Variants in NANS observed in about 807,000 individuals in gnomAD.
The protein encoded by NANS is N-acetylneuraminate-9-phosphate synthase.
NANS carries 29 observed loss-of-function variants against 33.3 expected under a neutral mutation model. That is an observed-to-expected ratio of 0.87 (90% CI 0.65 to 1.19). NANS has a LOEUF of 1.19. NANS is among the 50% of genes most tolerant of loss of function. The pLI is 0.00. For synonymous variants in NANS, 163 were observed against 177.2 expected (o/e 0.92, Z 0.64); for missense variants, 394 against 461.1 (o/e 0.85, Z 1.33).
chr9:98,067,981 C>T (rs1829199214), intron 2 of NANS, among the ~76,000 whole-genome samples: 1 of 152,234 alleles, frequency 6.6e-6, no homozygotes, highest in African/African-American at 2.4e-5. Flanking sequence ...CTTGGCCTCC[C>T]AAAGTGCTGG....
chr9:98,078,033 C>T, intron 3 of NANS, 160 bp from the exon 4 acceptor site: 1 of 1,054,772 alleles, frequency 9.5e-7, no homozygotes. Context: ...GGGCAGGAAC[C>T]CAACAAGCTC....
chr9:98,070,474 G>A (rs1196085942), intron 2 of NANS, among the ~76,000 whole-genome samples: 12 of 152,138 alleles, frequency 7.9e-5, no homozygotes, highest in Non-Finnish European at 1.8e-4. Context: ...AGGCCGGAGT[G>A]CAATGGCGTG....
chr9:98,067,491 T>C lies in NANS; in HGVS notation c.348+6494T>C, dbSNP rs561280273. Reference sequence around the variant, plus strand: ...TTGTGATTTGCATTTCTCTGATGCATCTTTTCATGTGTCTGTTGGTCATCT... The same window carrying C: ...TTGTGATTTGCATTTCTCTGATGCACCTTTTCATGTGTCTGTTGGTCATCT... On this transcript the variant is annotated intron_variant, in intron 2 of 5. Transcript: ENST00000210444. Among the ~76,000 whole-genome samples, 6 of 152,366 alleles carry C rather than the reference T, an allele frequency of 3.9e-5. No individual in the cohort carries two copies. The South Asian group carries it at 1.2e-3, about 32-fold the overall frequency.
At chr9:98,079,307 T>C (rs1829740227) in intron 4 of NANS, among the ~76,000 whole-genome samples, 1 of 152,226 alleles carries the variant, frequency 6.6e-6, no homozygotes, top group Non-Finnish European at 1.5e-5. Flanking sequence ...GTAATTATCA[T>C]TAAAACTATT....
At position 98,078,177 on chromosome 9, in the gene NANS, G is replaced by T. The variant is rs757390996; in HGVS notation, c.449-16G>T. On this transcript the variant is annotated splice_polypyrimidine_tract_variant and intron_variant, in intron 3 of 5. Coordinates refer to ENST00000210444, the MANE Select transcript of NANS (RefSeq NM_018946.4). The stretch of plus-strand genomic sequence containing the variant: ...TAAAGAGAAAGTGCTGATGGTGTTG[G>T]TGCTGGATTACTCAGGTCGCCCAAT... The T allele has an allele frequency of 3.1e-6, 5 of 1,614,016 alleles. No homozygotes were observed. The highest frequency in any genetic ancestry group is 3.4e-6 in the Non-Finnish European group (4 of 1,179,986).
rs1317988311 is a variant in NANS, at chr9:98,077,016, AG to A, written c.448+1del. The A allele has an allele frequency of 5.6e-6, 9 of 1,602,942 alleles. No individual in the cohort carries two copies. Among genetic ancestry groups the A allele is most frequent in the Non-Finnish European group, 5.1e-6 (6 of 1,173,694 alleles). On this transcript the variant is annotated frameshift_variant and splice_region_variant, in exon 3 of 6. Coordinates refer to ENST00000210444, the MANE Select transcript of NANS (RefSeq NM_018946.4). LOFTEE classifies it high-confidence loss of function. Reference sequence around the variant, plus strand: ...CTTATCTGGAAAAGACAGCCAAAAAAGGTAAGTGTCTAATTTTTGACTTAAA... The same window carrying A: ...CTTATCTGGAAAAGACAGCCAAAAAAGTAAGTGTCTAATTTTTGACTTAAA... Reference protein sequence around the residue: ...FPYLEKTAKKGRPMVISSGMQ... With the variant: ...FPYLEKTAKKXRPMVISSGMQ...
At chr9:98,081,854 T>C (rs2118043629) in intron 5 of NANS, 1 of 152,304 alleles carries the variant, frequency 6.6e-6, no homozygotes, top group African/African-American at 2.4e-5. Context: ...GATGCATCTA[T>C]ACCAGGAAAT....
At position 98,076,741 on chromosome 9, in the gene NANS, A is replaced by C. The variant is rs1386892241; in HGVS notation, c.349-177A>C. ...GCTAATGGATGGGTGGATGCAAATG[A>C]ATGTTTGCATTTGAATGAAATGACT... On this transcript the variant is annotated intron_variant, in intron 2 of 5. Coordinates refer to ENST00000210444, the MANE Select transcript of NANS (RefSeq NM_018946.4). The C allele has an allele frequency of 6.8e-6, 4 of 586,198 alleles. No homozygotes were observed. The East Asian group carries it at 9.3e-5, about 14-fold the overall frequency. The allele number at this position is 586,198 out of a possible 1,614,324, so 36.3% of individuals were successfully genotyped here. A position where few individuals can be genotyped will look rare whatever the true frequency, so the allele number is the denominator to read the frequency against.
chr9:98,082,561 C>A (rs1332010883), intron 5 of NANS, among the ~76,000 whole-genome samples: 2 of 152,240 alleles, frequency 1.3e-5, no homozygotes, highest in East Asian at 3.8e-4. Context: ...TAAAACGTGG[C>A]CTATACCCCA....
chr9:98,073,949 C>T (rs1343396926), intron 2 of NANS, among the ~76,000 whole-genome samples: 2 of 151,932 alleles, frequency 1.3e-5, no homozygotes, highest in Non-Finnish European at 2.9e-5. Flanking sequence ...ACACACCCGG[C>T]TAATTTTTAT....
intron 2 of NANS, among the ~76,000 whole-genome samples, chr9:98,067,337 C>T (rs377432515): frequency 1.9e-3 from 297 of 152,322 alleles, no homozygotes; most frequent in African/African-American, 6.9e-3. Context: ...TGCCAGACTG[C>T]TTGCCAAAAT....
intron 2 of NANS, among the ~76,000 whole-genome samples, chr9:98,072,280 C>T (rs544196741): frequency 6.6e-6 from 1 of 152,340 alleles, no homozygotes; most frequent in East Asian, 1.9e-4. Flanking sequence ...GATGGCTGTT[C>T]TGTGACTCAG....
chr9:98,078,347 G>A lies in NANS; in HGVS notation c.603G>A (p.Ser201=), dbSNP rs764022329. Residue 201 remains serine (S), a splice_region_variant and synonymous_variant, in exon 4 of 6, where the codon TCG becomes TCA. Coordinates refer to ENST00000210444, the MANE Select transcript of NANS (RefSeq NM_018946.4). The part of the protein sequence containing the change: ...QPEDVNLRVI[S]EYQKLFPDIP... ...AGGACGTCAACCTGCGGGTCATCTCGGTGAGCAGGAGGGAGGGGGTTCCCT... is the reference window on the plus strand; with the variant it reads ...AGGACGTCAACCTGCGGGTCATCTCAGTGAGCAGGAGGGAGGGGGTTCCCT... 1.1e-5 allele frequency: 17 copies of A among 1,613,586 alleles called. No individual in the cohort carries two copies. The highest frequency in any genetic ancestry group is 4.5e-5 in the East Asian group (2 of 44,892).
chr9:98,065,790 G>A (rs984705461), intron 2 of NANS, among the ~76,000 whole-genome samples: 4 of 151,972 alleles, frequency 2.6e-5, no homozygotes, highest in Non-Finnish European at 4.4e-5. Flanking sequence ...GGTCTTTCCC[G>A]TGCTATTCTC....
chr9:98,071,949 C>T (rs935250171), intron 2 of NANS, among the ~76,000 whole-genome samples: 2 of 152,210 alleles, frequency 1.3e-5, no homozygotes, highest in Non-Finnish European at 2.9e-5. Flanking sequence ...CAGGTGGCAT[C>T]GGTTGAGAAC....
chr9:98,076,806 C>A, intron 2 of NANS, 112 bp from the exon 3 acceptor site: 1 of 775,834 alleles, frequency 1.3e-6, no homozygotes, highest in Non-Finnish European at 2.1e-6. Flanking sequence ...GCTGAGCGTC[C>A]CTCTACTGCC....
Position 98,081,082 on chromosome 9 carries a change from GGT to G in NANS, c.870+5_870+6del. The G allele has an allele frequency of 3.1e-6, 5 of 1,614,102 alleles. No individual in the cohort carries two copies. The highest frequency in any genetic ancestry group is 3.4e-6 in the Non-Finnish European group (4 of 1,180,026). On this transcript the variant is annotated splice_donor_variant, in intron 5 of 5. Transcript: ENST00000210444. LOFTEE classifies it high-confidence loss of function. ...CCTGTGAGATGGCCTGCAATGAGAA[GGT>G]GTGTCCTGCCGGACTCTACTCGGTT...
At chr9:98,082,077 A>G (rs542092478) in intron 5 of NANS, 1 of 152,288 alleles carries the variant, frequency 6.6e-6, no homozygotes, top group East Asian at 1.9e-4. Context: ...TGGAGGATAT[A>G]GAGTAATAAA....
At chr9:98,063,357 T>C (rs1829041968) in intron 2 of NANS, among the ~76,000 whole-genome samples, 1 of 152,170 alleles carries the variant, frequency 6.6e-6, no homozygotes, top group South Asian at 2.1e-4. Context: ...TTCTCATGGC[T>C]CAGCCTCCTG....
Sources: gnomAD v4.1 joint callset for allele counts (sites outside exome capture counted in the v4.1 genomes callset) on GRCh38, gnomAD v4.1.1 for gene constraint, MANE v1.5 for transcripts, NCBI Gene and HGNC (gene_info 2026-07-23, HGNC 2026-07-21) for gene names.